Variants in LGSN observed in about 807,000 individuals in gnomAD.
LGSN encodes lengsin, lens protein with glutamine synthetase domain.
A neutral mutation model predicts 19.5 loss-of-function variants in LGSN; 21 were observed. That is an observed-to-expected ratio of 1.07 (90% CI 0.76 to 1.55). LGSN has a LOEUF of 1.55. Ranked by LOEUF, LGSN falls within the 40% of genes most tolerant of loss-of-function variation. LGSN has a pLI of 0.00. For synonymous variants in LGSN, 257 were observed against 215.6 expected (o/e 1.19, Z -1.68); for missense variants, 673 against 608.5 (o/e 1.11, Z -1.12).
At chr6:63,436,351 C>G in the LGSN span, among the ~76,000 whole-genome samples, 1 of 152,196 alleles carries the variant, frequency 6.6e-6, no homozygotes, top group African/African-American at 2.4e-5. Context: ...ATCCACCCAC[C>G]TCACCTCTTA....
At chr6:63,304,364 A>G (rs1318194147) in intron 1 of LGSN, among the ~76,000 whole-genome samples, 1 of 152,228 alleles carries the variant, frequency 6.6e-6, no homozygotes, top group Non-Finnish European at 1.5e-5. Context: ...TCTGTACAGC[A>G]GATTTTACTG....
chr6:63,492,003 T>C, the LGSN span, among the ~76,000 whole-genome samples: 1 of 149,428 alleles, frequency 6.7e-6, no homozygotes, highest in Non-Finnish European at 1.5e-5. Context: ...CACTCCAGCC[T>C]GGGCAACAAG....
chr6:63,321,399 G>A (rs1181473877), upstream of LGSN, among the ~76,000 whole-genome samples: 2 of 152,088 alleles, frequency 1.3e-5, no homozygotes, highest in Non-Finnish European at 2.9e-5. Flanking sequence ...TACATGTTCA[G>A]TTACATATTG....
the LGSN span, among the ~76,000 whole-genome samples, chr6:63,524,943 A>G: frequency 1.3e-5 from 2 of 152,232 alleles, no homozygotes; most frequent in Admixed American, 6.5e-5. Flanking sequence ...TTTTTATGAA[A>G]AAACTTAAGA....
chr6:63,310,954 T>C (rs992304202), intron 1 of LGSN, among the ~76,000 whole-genome samples: 2 of 152,176 alleles, frequency 1.3e-5, no homozygotes, highest in African/African-American at 4.8e-5. Flanking sequence ...ACTTTCCTAA[T>C]AAGTAGGTCT....
the LGSN span, among the ~76,000 whole-genome samples, chr6:63,373,888 TG>T: frequency 6.6e-6 from 1 of 150,998 alleles, no homozygotes; most frequent in Non-Finnish European, 1.5e-5. Context: ...TGAGCCAAGA[TG>T]GGGCCACTGC....
chr6:63,572,263 G>A, the LGSN span: 15 of 181,416 alleles, frequency 8.3e-5, no homozygotes, highest in South Asian at 2.7e-3. Flanking sequence ...ACTCCCGGCA[G>A]CCCCTTCCCT....
the LGSN span, among the ~76,000 whole-genome samples, chr6:63,390,866 A>G: frequency 3.3e-5 from 5 of 151,202 alleles, no homozygotes; most frequent in Non-Finnish European, 5.9e-5. Flanking sequence ...TCTCAAAAAA[A>G]AAAAAAAAAA....
chr6:63,555,276 T>C, the LGSN span, among the ~76,000 whole-genome samples: 1 of 152,144 alleles, frequency 6.6e-6, no homozygotes, highest in East Asian at 1.9e-4. Flanking sequence ...CATTAGAGGA[T>C]TGAGTCAGAT....
At chr6:63,509,039 A>G in the LGSN span, among the ~76,000 whole-genome samples, 4 of 151,808 alleles carry the variant, frequency 2.6e-5, no homozygotes, top group African/African-American at 9.6e-5. Flanking sequence ...TATATTTAAC[A>G]ATATAAAATT....
the LGSN span, among the ~76,000 whole-genome samples, chr6:63,546,181 A>T: frequency 1.3e-5 from 2 of 152,220 alleles, no homozygotes; most frequent in Non-Finnish European, 2.9e-5. Flanking sequence ...CAGTATATAC[A>T]CACACAGGAA....
At chr6:63,331,332 G>T in the LGSN span, among the ~76,000 whole-genome samples, 1 of 152,078 alleles carries the variant, frequency 6.6e-6, no homozygotes, top group African/African-American at 2.4e-5. Context: ...CAAGCTGCAG[G>T]ATAGTACTGT....
chr6:63,467,237 G>T, the LGSN span, among the ~76,000 whole-genome samples: 1 of 150,614 alleles, frequency 6.6e-6, no homozygotes, highest in Admixed American at 6.7e-5. Flanking sequence ...CTTTGAGGCA[G>T]TAAACAATAA....
chr6:63,503,846 G>A, the LGSN span, among the ~76,000 whole-genome samples: 42 of 152,224 alleles, frequency 2.8e-4, no homozygotes, highest in South Asian at 8.1e-3. Flanking sequence ...AGCCTGAGGG[G>A]TCAAGGCTGC....
chr6:63,516,656 G>A, the LGSN span, among the ~76,000 whole-genome samples: 48 of 152,168 alleles, frequency 3.2e-4, no homozygotes, highest in African/African-American at 1.1e-3. Flanking sequence ...CAGAATCTTA[G>A]TTCTTAGCAG....
chr6:63,418,050 A>G, the LGSN span, among the ~76,000 whole-genome samples: 1 of 152,258 alleles, frequency 6.6e-6, no homozygotes, highest in African/African-American at 2.4e-5. Flanking sequence ...ACATGATTAC[A>G]GTGTTCTTCT....
the LGSN span, among the ~76,000 whole-genome samples, chr6:63,345,751 G>T: frequency 6.6e-6 from 1 of 152,286 alleles, no homozygotes; most frequent in East Asian, 1.9e-4. Flanking sequence ...AGATTAGGAA[G>T]TATTGTCTAC....
chr6:63,334,842 C>T, the LGSN span, among the ~76,000 whole-genome samples: 2 of 151,948 alleles, frequency 1.3e-5, no homozygotes, highest in Admixed American at 6.6e-5. Context: ...ACAAAGCCAT[C>T]AAGAAAATAC....
At chr6:63,414,291 T>C in the LGSN span, among the ~76,000 whole-genome samples, 13 of 152,202 alleles carry the variant, frequency 8.5e-5, no homozygotes, top group Admixed American at 8.5e-4. Flanking sequence ...AGATCCTTGA[T>C]ATTTTTGTTG....
Sources: allele counts gnomAD v4.1 joint callset (sites outside exome capture counted in the v4.1 genomes callset), GRCh38; gene constraint gnomAD v4.1.1; transcripts MANE v1.5; gene names NCBI Gene and HGNC (gene_info 2026-07-23, HGNC 2026-07-21).